Variants in KANSL1L observed in about 807,000 individuals in gnomAD.
The protein encoded by KANSL1L is KAT8 regulatory NSL complex subunit 1 like, also known as KAT8 regulatory NSL complex subunit 1-like protein.
Under a neutral mutation model 108.6 loss-of-function variants are expected in KANSL1L, and 25 were observed. The ratio of observed to expected loss-of-function variants is 0.23; its 90% CI spans 0.17 to 0.32. KANSL1L has a LOEUF of 0.32. Ranked by LOEUF, KANSL1L falls within the 10% of genes least tolerant of loss-of-function variation. The pLI, the probability that KANSL1L is intolerant of heterozygous loss-of-function variation, is 1.00. For synonymous variants in KANSL1L, 405 were observed against 395.1 expected (o/e 1.03, Z -0.30); for missense variants, 1,137 against 1,125.7 (o/e 1.01, Z -0.14).
At chr2:210,106,507 G>A (rs1471084017) in intron 3 of KANSL1L, among the ~76,000 whole-genome samples, 1 of 151,416 alleles carries the variant, frequency 6.6e-6, no homozygotes, top group Non-Finnish European at 1.5e-5. Flanking sequence ...GGTGGTTTAC[G>A]CCTGTAATCC....
At position 210,022,928 on chromosome 2, in the gene KANSL1L, G is replaced by GT; in HGVS notation, c.*20dup. 1 of 1,535,062 alleles carries GT rather than the reference G, an allele frequency of 6.5e-7. No individual in the cohort carries two copies. On this transcript the variant is annotated 3_prime_UTR_variant, in exon 15 of 15. Transcript: ENST00000281772. Reference sequence around the variant, plus strand: ...CTCCCATCTTTCCTACATTTACATAGTTTTCTTAACCTGTTCCCTGTCACC... The same window carrying GT: ...CTCCCATCTTTCCTACATTTACATAGTTTTTCTTAACCTGTTCCCTGTCACC...
intron 6 of KANSL1L, among the ~76,000 whole-genome samples, chr2:210,048,582 T>C (rs535910247): frequency 1.2e-4 from 18 of 152,012 alleles, no homozygotes; most frequent in Non-Finnish European, 2.1e-4. Flanking sequence ...TATATATATA[T>C]ACACACACAC....
intron 14 of KANSL1L, 89 bp from the exon 15 acceptor site, chr2:210,023,268 A>T (rs2093886118): frequency 1.1e-6 from 1 of 874,764 alleles, no homozygotes; most frequent in Non-Finnish European, 1.8e-6. Flanking sequence ...TCTATATTGT[A>T]ATAATTGTTC....
intron 6 of KANSL1L, among the ~76,000 whole-genome samples, chr2:210,051,392 T>G (rs2094290770): frequency 6.6e-6 from 1 of 152,174 alleles, no homozygotes; most frequent in African/African-American, 2.4e-5. Context: ...AGTTTTAAAT[T>G]TGTTTCCATA....
intron 4 of KANSL1L, among the ~76,000 whole-genome samples, chr2:210,102,652 C>T (rs1281890326): frequency 1.3e-5 from 2 of 152,052 alleles, no homozygotes; most frequent in African/African-American, 4.8e-5. Context: ...AACAAGTGGG[C>T]GAAGGATATG....
chr2:210,082,722 C>T (rs922318890), intron 5 of KANSL1L, among the ~76,000 whole-genome samples: 2 of 152,182 alleles, frequency 1.3e-5, no homozygotes, highest in Non-Finnish European at 2.9e-5. Context: ...CAATTTAAAA[C>T]TATTGTTTTA....
chr2:210,067,716 C>CAAAAAAAAA (rs569072484), intron 6 of KANSL1L, among the ~76,000 whole-genome samples: 3 of 92,948 alleles, frequency 3.2e-5, no homozygotes, highest in African/African-American at 1.4e-4. Flanking sequence ...ACCCTGTCTC[C>CAAAAAAAAA]AAAAAAAAAA....
intron 2 of KANSL1L, among the ~76,000 whole-genome samples, chr2:210,137,055 T>G (rs1349034332): frequency 6.6e-6 from 1 of 152,182 alleles, no homozygotes; most frequent in Non-Finnish European, 1.5e-5. Flanking sequence ...AATAAAGCAG[T>G]CCACATTTAA....
intron 8 of KANSL1L, among the ~76,000 whole-genome samples, chr2:210,038,158 A>G (rs1457600175): frequency 6.6e-6 from 1 of 152,038 alleles, no homozygotes; most frequent in Admixed American, 6.6e-5. Context: ...CTAATTTTTC[A>G]TTATCACAAA....
At chr2:210,065,487 C>T (rs1205049096) in intron 6 of KANSL1L, among the ~76,000 whole-genome samples, 4 of 151,700 alleles carry the variant, frequency 2.6e-5, no homozygotes, top group African/African-American at 9.7e-5. Flanking sequence ...AAACTGTGGC[C>T]TCAGTGTCAA....
chr2:210,131,558 A>G (rs1238695406), intron 2 of KANSL1L, among the ~76,000 whole-genome samples: 1 of 152,150 alleles, frequency 6.6e-6, no homozygotes, highest in African/African-American at 2.4e-5. Context: ...TGGTAAAGAT[A>G]TTCTGATACT....
chr2:210,156,088 T>C (rs2095331587), intron 1 of KANSL1L, among the ~76,000 whole-genome samples: 1 of 152,308 alleles, frequency 6.6e-6, no homozygotes, highest in Admixed American at 6.5e-5. Context: ...ATCTAGACTA[T>C]AGGAGGAATT....
chr2:210,113,960 A>G (rs2094931479), intron 3 of KANSL1L, among the ~76,000 whole-genome samples: 1 of 152,194 alleles, frequency 6.6e-6, no homozygotes, highest in Admixed American at 6.5e-5. Context: ...TAAGTGGCCC[A>G]ACATATAAAT....
At chr2:210,151,771 C>T (rs577032191) in intron 2 of KANSL1L, 4 of 152,174 alleles carry the variant, frequency 2.6e-5, no homozygotes, top group South Asian at 4.1e-4. Flanking sequence ...AAATAATCTG[C>T]GCTTATTAAC....
intron 5 of KANSL1L, among the ~76,000 whole-genome samples, chr2:210,086,508 CTT>C (rs1030506980): frequency 1.4e-5 from 2 of 143,916 alleles, no homozygotes; most frequent in African/African-American, 2.5e-5. Context: ...AAAAAAAACT[CTT>C]GACACTTTTC....
chr2:210,139,255 C>G (rs1413018808), intron 2 of KANSL1L, among the ~76,000 whole-genome samples: 2 of 152,206 alleles, frequency 1.3e-5, no homozygotes, highest in Non-Finnish European at 2.9e-5. Flanking sequence ...ATCTCCAGAA[C>G]TTATTCCTCC....
intron 3 of KANSL1L, among the ~76,000 whole-genome samples, chr2:210,124,266 T>C (rs1279180905): frequency 6.6e-6 from 1 of 152,154 alleles, no homozygotes; most frequent in East Asian, 1.9e-4. Context: ...CCAAATATTA[T>C]ATCTCAACAG....
At chr2:210,110,287 G>A (rs1462971958) in intron 3 of KANSL1L, among the ~76,000 whole-genome samples, 1 of 152,156 alleles carries the variant, frequency 6.6e-6, no homozygotes, top group African/African-American at 2.4e-5. Context: ...CAAAGGTTTT[G>A]CAGAGGATGG....
chr2:210,172,729 C>T (rs1249183003), upstream of KANSL1L, among the ~76,000 whole-genome samples: 7 of 151,878 alleles, frequency 4.6e-5, no homozygotes, highest in Non-Finnish European at 8.8e-5. Context: ...TGTCCTAGTC[C>T]CTGGGGACAG....
Sources: allele counts gnomAD v4.1 joint callset (sites outside exome capture counted in the v4.1 genomes callset), GRCh38; gene constraint gnomAD v4.1.1; transcripts MANE v1.5; gene names NCBI Gene and HGNC (gene_info 2026-07-23, HGNC 2026-07-21).